The following MMP26 variants were observed in gnomAD, a reference collection of about 807,000 sequenced individuals.
The protein encoded by MMP26 is matrix metalloproteinase-26.
In MMP26, 33 loss-of-function variants were observed where a neutral mutation model predicts 31.0. The observed-to-expected ratio is 1.06, with a 90% CI of 0.81 to 1.42. MMP26 has a LOEUF of 1.42. Ranked by LOEUF, MMP26 falls within the 40% of genes most tolerant of loss-of-function variation. The probability of loss-of-function intolerance (pLI) is 0.00; values close to 1 mark genes in which losing one functional copy is unlikely to be tolerated. For missense variants in MMP26, 347 were observed against 316.1 expected (o/e 1.10, Z -0.74); for synonymous variants, 122 against 114.9 (o/e 1.06, Z -0.40).
At chr11:4,968,585 T>C (rs1846626538) in intron 2 of MMP26, among the ~76,000 whole-genome samples, 1 of 151,972 alleles carries the variant, frequency 6.6e-6, no homozygotes, top group African/African-American at 2.4e-5. Flanking sequence ...ATAAATAGCA[T>C]AAAATGTAGC....
At chr11:4,803,513 G>T in intron 2 of MMP26, 1 of 1,614,086 alleles carries the variant, frequency 6.2e-7, no homozygotes, top group South Asian at 1.1e-5. Flanking sequence ...ATGGGGTTGA[G>T]CATGGGAGGT....
intron 2 of MMP26, among the ~76,000 whole-genome samples, chr11:4,796,162 G>A (rs1323379046): frequency 1.3e-5 from 2 of 152,156 alleles, no homozygotes; most frequent in African/African-American, 2.4e-5. Flanking sequence ...CTACAGCATC[G>A]CTTGTCTCAG....
In MMP26 at chr11:4,746,796, T is replaced by C. The variant is rs146451946; in HGVS notation, c.-216-20474T>C. 3.1e-3 allele frequency among the ~76,000 whole-genome samples: 468 copies of C among 150,076 alleles called. 2 individuals are homozygous for C. The highest frequency in any genetic ancestry group is 9.9e-3 in the African/African-American group (402 of 40,656). On this transcript the variant is annotated intron_variant, in intron 1 of 7. Transcript: ENST00000380390. ...TTGCAGTGAGCTGAGATTGTGCCAT[T>C]GCACTCCAGCCTGGGCAACAAGAGT...
chr11:4,974,303 A>T (rs1846706632), intron 2 of MMP26, among the ~76,000 whole-genome samples: 2 of 152,008 alleles, frequency 1.3e-5, no homozygotes, highest in African/African-American at 4.8e-5. Flanking sequence ...AGCTGAAAAA[A>T]AAGGTCTAAA....
chr11:4,944,903 C>G (rs1426325252), intron 2 of MMP26: 1 of 151,902 alleles, frequency 6.6e-6, no homozygotes, highest in African/African-American at 2.4e-5. Flanking sequence ...ACATCTTTTT[C>G]AACAAACATG....
chr11:4,911,689 A>G (rs774240674), intron 2 of MMP26, among the ~76,000 whole-genome samples: 12 of 152,128 alleles, frequency 7.9e-5, no homozygotes, highest in South Asian at 4.1e-4. Flanking sequence ...ATTGTTCACA[A>G]TTTTGTTCAG....
intron 2 of MMP26, chr11:4,822,033 G>A (rs142576591): frequency 3.8e-5 from 62 of 1,613,822 alleles, no homozygotes; most frequent in African/African-American, 2.0e-4. Context: ...GTCTGTTTGC[G>A]CTTTTGTCCA....
chr11:4,908,479 A>G (rs892012763), intron 2 of MMP26: 6 of 660,422 alleles, frequency 9.1e-6, no homozygotes, highest in Admixed American at 2.7e-5. Flanking sequence ...GATAGAAAAA[A>G]AAGTCAAGAG....
chr11:4,785,309 A>G (rs1336221146), intron 2 of MMP26, among the ~76,000 whole-genome samples: 4 of 152,176 alleles, frequency 2.6e-5, no homozygotes, highest in Non-Finnish European at 5.9e-5. Flanking sequence ...TCCATGTCTC[A>G]TCTTATTATA....
chr11:4,921,557 C>T (rs1851185032), intron 2 of MMP26, among the ~76,000 whole-genome samples: 1 of 152,092 alleles, frequency 6.6e-6, no homozygotes, highest in Non-Finnish European at 1.5e-5. Context: ...CATGCATGTG[C>T]AGATCTGTAT....
At position 4,952,823 on chromosome 11, in the gene MMP26, G is replaced by A. The variant is rs74052671; in HGVS notation, c.-144-35245G>A. On this transcript the variant is annotated intron_variant, in intron 2 of 7. Coordinates refer to ENST00000380390, the MANE Select transcript of MMP26 (RefSeq NM_021801.5). Reference sequence around the variant, plus strand: ...GGAAGCACATCGTGCATGTATTAGAGGTTTGAAAGCAATACTTGTATCTAT... The same window carrying A: ...GGAAGCACATCGTGCATGTATTAGAAGTTTGAAAGCAATACTTGTATCTAT... Among the ~76,000 whole-genome samples, 13 of 125,194 alleles carry A rather than the reference G, an allele frequency of 1.0e-4. 4 individuals carry two copies. Among genetic ancestry groups the A allele is most frequent in the African/African-American group, 3.5e-4 (13 of 36,912 alleles). 82.1% of individuals were successfully genotyped at this position (125,194 alleles called of 152,430 possible). A position where few individuals can be genotyped will look rare whatever the true frequency, so the allele number is the denominator to read the frequency against.
At chr11:4,848,224 A>G in intron 2 of MMP26, 2 of 1,584,518 alleles carry the variant, frequency 1.3e-6, no homozygotes, top group Non-Finnish European at 8.6e-7. Flanking sequence ...CCAAACACGG[A>G]GGGACATCCT....
chr11:4,916,657 C>T (rs1193166412), intron 2 of MMP26, among the ~76,000 whole-genome samples: 1 of 152,130 alleles, frequency 6.6e-6, no homozygotes, highest in Non-Finnish European at 1.5e-5. Flanking sequence ...GTCCAAGTAG[C>T]TCATAAATGC....
At chr11:4,898,454 C>A (rs1850746292) in intron 2 of MMP26, among the ~76,000 whole-genome samples, 1 of 152,014 alleles carries the variant, frequency 6.6e-6, no homozygotes, top group Admixed American at 6.6e-5. Context: ...ACATAAAGGG[C>A]TCATTCCTCT....
intron 2 of MMP26, among the ~76,000 whole-genome samples, chr11:4,813,745 G>A (rs920276597): frequency 1.3e-5 from 2 of 151,954 alleles, no homozygotes; most frequent in Admixed American, 6.5e-5. Context: ...TATGAACTCA[G>A]GGAAAGCAGA....
chr11:4,927,088 A>G (rs1373179982), intron 2 of MMP26, among the ~76,000 whole-genome samples: 1 of 152,162 alleles, frequency 6.6e-6, no homozygotes, highest in East Asian at 1.9e-4. Context: ...AAATAAATGA[A>G]TGTCATCCTA....
intron 2 of MMP26, among the ~76,000 whole-genome samples, chr11:4,896,259 G>A (rs1850699489): frequency 6.6e-6 from 1 of 152,098 alleles, no homozygotes; most frequent in African/African-American, 2.4e-5. Context: ...ACAGAAATAA[G>A]TTTATTCTAG....
intron 2 of MMP26, among the ~76,000 whole-genome samples, chr11:4,840,897 C>T (rs1381577809): frequency 2.0e-5 from 3 of 152,088 alleles, no homozygotes; most frequent in African/African-American, 7.2e-5. Context: ...TGAGGAAACT[C>T]AAAGAAATTC....
intron 2 of MMP26, among the ~76,000 whole-genome samples, chr11:4,850,248 T>A (rs1308894860): frequency 1.3e-5 from 2 of 152,180 alleles, no homozygotes; most frequent in Non-Finnish European, 2.9e-5. Context: ...TTACCTTGGA[T>A]GTTCCAGGCA....
Sources: gnomAD v4.1 joint callset for allele counts (sites outside exome capture counted in the v4.1 genomes callset) on GRCh38, gnomAD v4.1.1 for gene constraint, MANE v1.5 for transcripts, NCBI Gene and HGNC (gene_info 2026-07-23, HGNC 2026-07-21) for gene names.